MAGED1: variants seen among roughly 807,000 people sequenced by gnomAD.
MAGED1 encodes the protein melanoma-associated antigen D1.
In MAGED1, 3 loss-of-function variants were observed where a neutral mutation model predicts 54.1. The ratio of observed to expected loss-of-function variants is 0.06; its 90% confidence interval spans 0.03 to 0.14. The LOEUF is 0.14. Ranked by LOEUF, MAGED1 falls within the 10% of genes least tolerant of loss-of-function variation. The pLI, the probability that MAGED1 is intolerant of heterozygous loss-of-function variation, is 1.00. For synonymous variants in MAGED1, 217 were observed against 227.3 expected (o/e 0.95, Z 0.41); for missense variants, 485 against 623.4 (o/e 0.78, Z 2.36).
At chrX:51,873,298 C>T (rs1413770006) in intron 1 of MAGED1, among the ~76,000 whole-genome samples, 2 of 110,794 alleles carry the variant, frequency 1.8e-5, no homozygotes, top group African/African-American at 6.6e-5. Context: ...TCACCTCCCA[C>T]CGGGTCCCTC....
intron 1 of MAGED1, among the ~76,000 whole-genome samples, chrX:51,830,544 T>G (rs1926023884): frequency 9.6e-6 from 1 of 103,901 alleles, no homozygotes. Flanking sequence ...TTATAGGAGA[T>G]GAGGAAAGAG....
At chrX:51,832,095 C>T (rs190217175) in intron 1 of MAGED1, among the ~76,000 whole-genome samples, 2 of 111,208 alleles carry the variant, frequency 1.8e-5, no homozygotes, top group East Asian at 2.8e-4. Flanking sequence ...TGCAGTGGTG[C>T]GCAGGCGGTT....
At chrX:51,813,523 C>A (rs1449472689) in intron 1 of MAGED1, among the ~76,000 whole-genome samples, 1 of 112,086 alleles carries the variant, frequency 8.9e-6, no homozygotes, top group Non-Finnish European at 1.9e-5. Context: ...GTTTCCTTTC[C>A]TTGCTTTTTC....
At chrX:51,847,005 A>G (rs986422796) in intron 1 of MAGED1, among the ~76,000 whole-genome samples, 6 of 112,421 alleles carry the variant, frequency 5.3e-5, no homozygotes, top group African/African-American at 1.6e-4. Context: ...ATAATTTGTT[A>G]TAGCAGCAAC....
chrX:51,818,608 C>T lies in MAGED1; in HGVS notation c.-37+15491C>T, dbSNP rs150120087. ...AATGGAGTTTGCTGGAGAGCTTATG[C>T]GTTTCATCCTTTAACCATGATGCTT... is the stretch of plus-strand genomic sequence containing the variant. On this transcript the variant is annotated intron_variant, in intron 1 of 12. Transcript: ENST00000375772. Among the ~76,000 whole-genome samples the T allele has an allele frequency of 8.1e-4, 91 of 112,103 alleles. 1 individual carries two copies. In the East Asian group the frequency reaches 0.024, roughly 29 times the overall value.
At chrX:51,874,777 G>A (rs1416890170) in intron 1 of MAGED1, among the ~76,000 whole-genome samples, 2 of 109,994 alleles carry the variant, frequency 1.8e-5, no homozygotes, top group Non-Finnish European at 3.8e-5. Context: ...TGGATTGATT[G>A]ATTTTTCTCC....
At chrX:51,900,520 GT>G (rs782787990) in intron 11 of MAGED1, among the ~76,000 whole-genome samples, 205 of 110,977 alleles carry the variant, frequency 1.8e-3, no homozygotes, top group Non-Finnish European at 3.4e-3. Flanking sequence ...TTTTTTTTAG[GT>G]TTTTAAAGTA....
At chrX:51,858,651 A>G (rs924684065) in intron 1 of MAGED1, among the ~76,000 whole-genome samples, 1 of 111,660 alleles carries the variant, frequency 9.0e-6, no homozygotes, top group Non-Finnish European at 1.9e-5. Flanking sequence ...GGAACAAGGT[A>G]GAGTTACCCA....
At chrX:51,879,114 A>T (rs1393317077) in intron 1 of MAGED1, among the ~76,000 whole-genome samples, 1 of 111,665 alleles carries the variant, frequency 9.0e-6, no homozygotes, top group Non-Finnish European at 1.9e-5. Flanking sequence ...TCTCTTGTTA[A>T]TTGCATGTAG....
intron 11 of MAGED1, 116 bp from the exon 12 acceptor site, chrX:51,901,437 G>T (rs782170991): frequency 6.9e-6 from 4 of 581,245 alleles, no homozygotes; most frequent in Non-Finnish European, 1.0e-5. Flanking sequence ...GTATTCCATT[G>T]TGTGTGTGTG....
intron 1 of MAGED1, among the ~76,000 whole-genome samples, chrX:51,812,116 G>A (rs1224086363): frequency 1.8e-5 from 2 of 108,732 alleles, no homozygotes; most frequent in Non-Finnish European, 3.8e-5. Context: ...GCTCAGAGAA[G>A]GCTTCCTAGA....
chrX:51,826,285 GT>G (rs1925848723), intron 1 of MAGED1, among the ~76,000 whole-genome samples: 1 of 112,067 alleles, frequency 8.9e-6, no homozygotes, highest in South Asian at 3.7e-4. Context: ...TAAGTTTGGT[GT>G]TGTATCTAAA....
chrX:51,828,135 A>G (rs1327512428), intron 1 of MAGED1, among the ~76,000 whole-genome samples: 1 of 111,769 alleles, frequency 8.9e-6, no homozygotes, highest in African/African-American at 3.2e-5. Context: ...CATATCATTT[A>G]TACTTGTTTT....
chrX:51,807,249 A>G (rs1351833515), intron 1 of MAGED1, among the ~76,000 whole-genome samples: 12 of 111,457 alleles, frequency 1.1e-4, no homozygotes, highest in African/African-American at 3.9e-4. Flanking sequence ...GATATTTTTT[A>G]TGAGGTGCCT....
chrX:51,829,636 C>T (rs1043785957), intron 1 of MAGED1, among the ~76,000 whole-genome samples: 8 of 110,064 alleles, frequency 7.3e-5, no homozygotes, highest in South Asian at 7.7e-4. Context: ...CCATCCAATC[C>T]GAAAAATGGG....
rs782548124 is a variant in MAGED1 at position 51,901,668 on chromosome X, C to A, written c.2075C>A (p.Thr692Asn). The change falls in exon 12 of 13, where the codon ACC (threonine) becomes AAC (asparagine). Residue 692 changes from threonine to asparagine, a missense_variant. Physicochemically the swap from Thr to Asn is moderately conservative, Grantham distance 65. Coordinates refer to ENST00000326587, the MANE Select transcript of MAGED1 (RefSeq NM_006986.4). Reference protein sequence around the residue: ...AEAEARAEARTRMGIGDEAVS... With the variant: ...AEAEARAEARNRMGIGDEAVS... ...GCCGAAGCCCGGGCTGAAGCAAGAA[C>A]CCGCATGGGAATTGGAGATGAGGCT... The A allele has an allele frequency of 1.7e-6, 2 of 1,211,413 alleles. No individual in the cohort carries two copies. The highest frequency in any genetic ancestry group is 2.2e-6 in the Non-Finnish European group (2 of 895,421).
At chrX:51,864,526 T>G (rs1557360963) in intron 1 of MAGED1, among the ~76,000 whole-genome samples, 1 of 111,817 alleles carries the variant, frequency 8.9e-6, no homozygotes, top group Non-Finnish European at 1.9e-5. Flanking sequence ...TTTTATTGAA[T>G]CTGCAGATTG....
At chrX:51,840,061 T>C (rs1044143760) in intron 1 of MAGED1, among the ~76,000 whole-genome samples, 3 of 112,142 alleles carry the variant, frequency 2.7e-5, no homozygotes, top group Non-Finnish European at 5.6e-5. Context: ...AGAGACTTTC[T>C]GTTGTGAGAT....
intron 1 of MAGED1, among the ~76,000 whole-genome samples, chrX:51,887,161 TACA>T (rs1928270870): frequency 1.9e-5 from 2 of 107,098 alleles, no homozygotes; most frequent in Admixed American, 9.9e-5. Context: ...TACTAAAAAC[TACA>T]ACGTTAGTGA....
Sources: gnomAD v4.1 joint callset for allele counts (sites outside exome capture counted in the v4.1 genomes callset) on GRCh38, gnomAD v4.1.1 for gene constraint, MANE v1.5 for transcripts, NCBI Gene and HGNC (gene_info 2026-07-23, HGNC 2026-07-21) for gene names.